The following RNF17 variants were observed in gnomAD, a reference collection of about 807,000 sequenced individuals.
RNF17 encodes ring finger protein 17.
A neutral mutation model predicts 200.5 loss-of-function variants in RNF17; 31 were observed. The ratio of observed to expected loss-of-function variants is 0.15; its 90% CI spans 0.12 to 0.21. The LOEUF is 0.21. Ranked by LOEUF, RNF17 falls within the 10% of genes least tolerant of loss-of-function variation. RNF17 has a pLI of 1.00. For synonymous variants in RNF17, 606 were observed against 637.8 expected (o/e 0.95, Z 0.75); for missense variants, 1,628 against 1,905.1 (o/e 0.85, Z 2.71).
chr13:24,777,471 C>G (rs1289717446), intron 3 of RNF17, among the ~76,000 whole-genome samples: 1 of 152,080 alleles, frequency 6.6e-6, no homozygotes, highest in Non-Finnish European at 1.5e-5. Context: ...AGTTCGAGAC[C>G]AGCCTGGGCA....
chr13:24,762,846 A>G (rs1160090147), upstream of RNF17, among the ~76,000 whole-genome samples: 1 of 152,200 alleles, frequency 6.6e-6, no homozygotes, highest in Non-Finnish European at 1.5e-5. Flanking sequence ...TACTGCTTAA[A>G]GAGTAAAGTC....
intron 22 of RNF17, among the ~76,000 whole-genome samples, 180 bp from the exon 23 acceptor site, chr13:24,850,161 G>C (rs936405392): frequency 6.6e-6 from 1 of 152,110 alleles, no homozygotes; most frequent in Non-Finnish European, 1.5e-5. Flanking sequence ...ATGAAAAAAA[G>C]ATAGGAAAAT....
rs752449391 is a variant in RNF17, at chr13:24,793,336, C to T, written c.1230C>T (p.Asp410=). ...TGATAATTGAAGAAATTATTGAAGA[C>T]AACGTGGAAAGTAAGTTAAAATGTA... ...PDVIIEEIIE[D]NVESSAELVF... The change falls in exon 10 of 36, where the codon GAC becomes GAT. Residue 410 remains aspartate, a synonymous_variant. Transcript: ENST00000255324. 1.6e-5 allele frequency: 26 copies of T among 1,585,000 alleles called. No individual in the cohort carries two copies. The highest frequency in any genetic ancestry group is 5.6e-5 in the Admixed American group (3 of 53,108).
intron 16 of RNF17, among the ~76,000 whole-genome samples, 196 bp from the exon 17 acceptor site, chr13:24,830,287 GT>G (rs1416046805): frequency 6.6e-6 from 1 of 151,974 alleles, no homozygotes; most frequent in African/African-American, 2.4e-5. Flanking sequence ...AAGCATACTA[GT>G]TTTTCATTCT....
intron 32 of RNF17, among the ~76,000 whole-genome samples, chr13:24,873,900 G>A (rs190550700): frequency 6.6e-6 from 1 of 152,090 alleles, no homozygotes; most frequent in East Asian, 1.9e-4. Flanking sequence ...TCTTTTTTAT[G>A]GCCAAATAGT....
chr13:24,877,322 G>A, intron 34 of RNF17, 136 bp downstream of exon 34: 3 of 645,382 alleles, frequency 4.6e-6, no homozygotes. Flanking sequence ...TAGTTTATAT[G>A]TATAGCTTTA....
intron 16 of RNF17, 56 bp downstream of exon 16, chr13:24,825,828 A>T: frequency 6.5e-7 from 1 of 1,541,178 alleles, no homozygotes; most frequent in Non-Finnish European, 8.8e-7. Flanking sequence ...AACTAATATC[A>T]TTTGAGTTGG....
the RNF17 span, among the ~76,000 whole-genome samples, chr13:24,755,308 T>C: frequency 6.6e-6 from 1 of 152,230 alleles, no homozygotes; most frequent in Non-Finnish European, 1.5e-5. Context: ...TTAAATGTTT[T>C]GTCAGCTTAC....
chr13:24,767,478 G>A (rs967343526), intron 2 of RNF17, 112 bp downstream of exon 2: 10 of 682,532 alleles, frequency 1.5e-5, no homozygotes, highest in Non-Finnish European at 2.2e-5. Flanking sequence ...GGCCGGGCGT[G>A]GTGGCTGACG....
At position 24,868,628 on chromosome 13, in the gene RNF17, C is replaced by G. The variant is rs200436415; in HGVS notation, c.4190C>G (p.Pro1397Arg). Residue 1397 changes from proline (P) to arginine (R), a missense_variant, in exon 31 of 36, where the codon CCT becomes CGT. Pro to Arg is a moderately radical substitution (Grantham distance 103, BLOSUM62 -2). Around this residue, in one of 5 missense-constraint regions of RNF17, gnomAD observed 609 missense variants for 681.9 expected, o/e 0.89. Transcript: ENST00000255324. Reference sequence around the variant, plus strand: ...TTGCTTTCGGCTGAAACAGACACTCCTCTTTTACCACCATATTTGTCTTCA... The same window carrying G: ...TTGCTTTCGGCTGAAACAGACACTCGTCTTTTACCACCATATTTGTCTTCA... ...EELLSAETDT[P>R]LLPPYLSSSL... 1.9e-6 allele frequency: 3 copies of G among 1,608,550 alleles called. No individual in the cohort carries two copies. Among genetic ancestry groups the G allele is most frequent in the South Asian group, 1.1e-5 (1 of 90,956 alleles).
downstream of RNF17, among the ~76,000 whole-genome samples, chr13:24,880,133 G>GA (rs1212349550): frequency 1.3e-5 from 2 of 148,788 alleles, no homozygotes; most frequent in Non-Finnish European, 3.0e-5. Flanking sequence ...ATTTAGAAAG[G>GA]AAAGAGGTTT....
chr13:24,887,992 G>A, the RNF17 span, among the ~76,000 whole-genome samples: 2 of 152,292 alleles, frequency 1.3e-5, no homozygotes, highest in South Asian at 2.1e-4. Context: ...GGGCAGTTCC[G>A]GGCTGCCACT....
At position 24,764,213 on chromosome 13, in the gene RNF17, G is replaced by A; in HGVS notation, c.10G>A (p.Glu4Lys). ...GAAGAAAGAGACAGCGATGGCGGCAGAGGCTTCGAAGACTGGGCCTTCTAG... is the reference window on the plus strand; with the variant it reads ...GAAGAAAGAGACAGCGATGGCGGCAAAGGCTTCGAAGACTGGGCCTTCTAG... MAA[E>K]ASKTGPSRSS... is the part of the protein sequence containing the mutation. The change falls in exon 1 of 36, where the codon GAG (glutamate) becomes AAG (lysine). Residue 4 changes from glutamate to lysine, a missense_variant. By Grantham distance (56) the Glu-to-Lys change is moderately conservative. This residue lies in a region of RNF17 where 502 missense variants were observed against 501.7 expected (regional missense o/e 1.00). Coordinates refer to ENST00000255324, the MANE Select transcript of RNF17 (RefSeq NM_031277.3). The A allele has an allele frequency of 6.3e-7, 1 of 1,594,346 alleles. No individual in the cohort carries two copies. Among genetic ancestry groups the A allele is most frequent in the Non-Finnish European group, 8.6e-7 (1 of 1,164,526 alleles).
chr13:24,883,069 T>A (rs9318911), downstream of RNF17: 3 of 997,592 alleles, frequency 3.0e-6, no homozygotes, highest in Non-Finnish European at 4.7e-6. Context: ...TTTTAGAATC[T>A]AATCTTTTCC....
chr13:24,850,432 G>A lies in RNF17; in HGVS notation c.3193G>A (p.Val1065Met), dbSNP rs553877759. ...AGCTGTAGCAACTATAATCTTACAG[G>A]TGGATAGTGAGGTAACAAGTTACAA... The part of the protein sequence containing the change: ...TGAVATIILQ[V>M]DSEENNTTWP... Residue 1065 changes from valine to methionine, a missense_variant, in exon 23 of 36, where the codon GTG becomes ATG. Val to Met is a conservative substitution (Grantham distance 21). Around this residue, in one of 5 missense-constraint regions of RNF17, gnomAD observed 609 missense variants for 681.9 expected, o/e 0.89. Coordinates refer to ENST00000255324, the MANE Select transcript of RNF17 (RefSeq NM_031277.3). 4 of 1,606,004 alleles carry A rather than the reference G, an allele frequency of 2.5e-6. No homozygotes were observed. The East Asian group carries it at 8.9e-5, about 36-fold the overall frequency.
chr13:24,802,369 T>C lies in RNF17; in HGVS notation c.1759-12T>C. 1 of 1,587,320 alleles carries C rather than the reference T, an allele frequency of 6.3e-7. No homozygotes were observed. Among genetic ancestry groups the C allele is most frequent in the East Asian group, 2.2e-5 (1 of 44,610 alleles). ...ACAATTAATTACTATGGAATTTTAC[T>C]TTCTTGCACAGAATGAAGGCTGGGA... On this transcript the variant is annotated splice_polypyrimidine_tract_variant and intron_variant, in intron 13 of 35. Transcript: ENST00000255324.
chr13:24,778,711 T>C (rs1316457707), intron 4 of RNF17, among the ~76,000 whole-genome samples: 1 of 152,230 alleles, frequency 6.6e-6, no homozygotes, highest in African/African-American at 2.4e-5. Flanking sequence ...CATGAGTTTT[T>C]AAATTTTAAA....
Position 24,832,128 on chromosome 13 carries a change from T to C in RNF17, c.2482+150T>C, listed in dbSNP as rs376398403. 4.6e-5 allele frequency: 26 copies of C among 571,362 alleles called. No individual in the cohort carries two copies. The African/African-American group carries it at 4.8e-4, about 10-fold the overall frequency. 35.4% of individuals were successfully genotyped at this position (571,362 alleles called of 1,614,324 possible). On this transcript the variant is annotated intron_variant, in intron 18 of 35. Coordinates refer to ENST00000255324, the MANE Select transcript of RNF17 (RefSeq NM_031277.3). ...TTGAGAATTAGGTACAATGGAATTA[T>C]ATCTTTTATGGACTCTAAAGTCATC...
chr13:24,769,914 C>T (rs1213308961), intron 2 of RNF17, among the ~76,000 whole-genome samples: 1 of 152,124 alleles, frequency 6.6e-6, no homozygotes, highest in Non-Finnish European at 1.5e-5. Flanking sequence ...CCCTGCTCTG[C>T]TATTGATTGA....
Sources: gnomAD v4.1 joint callset for allele counts (sites outside exome capture counted in the v4.1 genomes callset) on GRCh38, gnomAD v4.1.1 for gene constraint, gnomAD v4.1.1 regional missense constraint, MANE v1.5 for transcripts, NCBI Gene and HGNC (gene_info 2026-07-23, HGNC 2026-07-21) for gene names.